Variants in PHACTR1 observed in about 807,000 individuals in gnomAD.
The protein encoded by PHACTR1 is phosphatase and actin regulator 1.
Under a neutral mutation model 69.2 loss-of-function variants are expected in PHACTR1, and 16 were observed. The observed-to-expected ratio is 0.23, with a 90% CI of 0.16 to 0.35. PHACTR1 has a LOEUF of 0.35. Among genes scored for constraint, PHACTR1 ranks in the 10% least tolerant of loss-of-function variants. PHACTR1 has a pLI of 1.00. For missense variants in PHACTR1, 510 were observed against 734.7 expected (o/e 0.69, Z 3.54); for synonymous variants, 312 against 284.5 (o/e 1.10, Z -0.97).
chr6:12,848,889 T>C (rs1779548147), intron 4 of PHACTR1, among the ~76,000 whole-genome samples: 1 of 152,122 alleles, frequency 6.6e-6, no homozygotes, highest in South Asian at 2.1e-4. Flanking sequence ...GGACATTCAT[T>C]AGAACCACTA....
intron 5 of PHACTR1, among the ~76,000 whole-genome samples, chr6:13,076,349 A>T (rs1181791708): frequency 6.6e-6 from 1 of 152,170 alleles, no homozygotes; most frequent in Non-Finnish European, 1.5e-5. Flanking sequence ...ATTATTTCCC[A>T]GGGAAATGGC....
At chr6:13,284,128 C>T (rs990719670) in intron 13 of PHACTR1, among the ~76,000 whole-genome samples, 2 of 152,176 alleles carry the variant, frequency 1.3e-5, no homozygotes, top group South Asian at 2.1e-4. Context: ...TCTCTGTCCA[C>T]CAGACAAGGT....
intron 4 of PHACTR1, among the ~76,000 whole-genome samples, chr6:12,983,709 A>G (rs1795794049): frequency 1.3e-5 from 2 of 151,944 alleles, no homozygotes; most frequent in African/African-American, 4.8e-5. Context: ...CCGCCACCCC[A>G]CGACAGACCC....
intron 5 of PHACTR1, among the ~76,000 whole-genome samples, chr6:13,154,449 T>G (rs1370952890): frequency 1.3e-5 from 2 of 152,214 alleles, no homozygotes; most frequent in African/African-American, 2.4e-5. Flanking sequence ...TGAGCCATCG[T>G]GCCCAGCCTG....
chr6:13,285,014 C>A (rs1419723139), intron 13 of PHACTR1, among the ~76,000 whole-genome samples: 1 of 152,184 alleles, frequency 6.6e-6, no homozygotes, highest in East Asian at 1.9e-4. Flanking sequence ...AAACCCAGCT[C>A]CCCAGGAGTG....
chr6:12,987,795 A>G (rs1394722511), intron 4 of PHACTR1, among the ~76,000 whole-genome samples: 4 of 152,222 alleles, frequency 2.6e-5, no homozygotes, highest in Non-Finnish European at 5.9e-5. Context: ...ATTTGCTAGA[A>G]TAAGATGGAA....
At chr6:13,223,617 T>A (rs950078729) in intron 8 of PHACTR1, among the ~76,000 whole-genome samples, 1 of 152,238 alleles carries the variant, frequency 6.6e-6, no homozygotes, top group African/African-American at 2.4e-5. Context: ...ATCTCATAAG[T>A]ATCACAGTTC....
chr6:12,817,499 G>A (rs1775719592), intron 4 of PHACTR1, among the ~76,000 whole-genome samples: 1 of 152,206 alleles, frequency 6.6e-6, no homozygotes, highest in South Asian at 2.1e-4. Flanking sequence ...CTGATCCTCA[G>A]TTTTTTAAAC....
At chr6:12,820,327 C>T (rs1162868806) in intron 4 of PHACTR1, among the ~76,000 whole-genome samples, 1 of 152,056 alleles carries the variant, frequency 6.6e-6, no homozygotes, top group Admixed American at 6.6e-5. Context: ...ACTACAGGCG[C>T]ATGCCACCAC....
At chr6:12,763,052 A>G (rs144733939) in intron 4 of PHACTR1, among the ~76,000 whole-genome samples, 1,784 of 152,276 alleles carry the variant, frequency 0.012, 15 homozygotes, top group Non-Finnish European at 0.02. Flanking sequence ...CGTCTCTACT[A>G]AAAATACAAA....
intron 3 of PHACTR1, among the ~76,000 whole-genome samples, chr6:12,744,711 T>C (rs1480952427): frequency 6.6e-6 from 1 of 152,158 alleles, no homozygotes; most frequent in East Asian, 1.9e-4. Flanking sequence ...AGCTATTCCA[T>C]AGGCAGAGCA....
intron 4 of PHACTR1, among the ~76,000 whole-genome samples, chr6:13,036,312 A>G (rs557507829): frequency 1.6e-4 from 24 of 152,368 alleles, no homozygotes; most frequent in African/African-American, 5.8e-4. Flanking sequence ...AGAATTATAC[A>G]TAATATTTGG....
At chr6:13,089,828 A>G (rs1812931716) in intron 5 of PHACTR1, among the ~76,000 whole-genome samples, 1 of 152,180 alleles carries the variant, frequency 6.6e-6, no homozygotes, top group African/African-American at 2.4e-5. Flanking sequence ...CCACAGTGGA[A>G]CAAACTGGTG....
At chr6:13,235,130 C>T (rs1771795753) in intron 10 of PHACTR1, among the ~76,000 whole-genome samples, 1 of 152,176 alleles carries the variant, frequency 6.6e-6, no homozygotes, top group Non-Finnish European at 1.5e-5. Flanking sequence ...TTGAGTGTCA[C>T]TTCTCAGTGC....
chr6:13,270,983 G>A (rs1254471516), intron 10 of PHACTR1, among the ~76,000 whole-genome samples: 1 of 151,420 alleles, frequency 6.6e-6, no homozygotes, highest in Admixed American at 6.6e-5. Context: ...GAGAGAGAGT[G>A]AGCAGGGAGT....
chr6:13,155,325 G>A (rs1249049356), intron 5 of PHACTR1, among the ~76,000 whole-genome samples: 1 of 152,156 alleles, frequency 6.6e-6, no homozygotes, highest in Non-Finnish European at 1.5e-5. Context: ...GGAGAATAAT[G>A]GCCTGGGGAT....
intron 4 of PHACTR1, among the ~76,000 whole-genome samples, chr6:12,998,749 G>A (rs990670160): frequency 3.3e-5 from 5 of 151,852 alleles, no homozygotes; most frequent in African/African-American, 9.7e-5. Flanking sequence ...CTGAAAGACT[G>A]GTACTACACA....
At chr6:12,907,061 T>C (rs563569896) in intron 4 of PHACTR1, among the ~76,000 whole-genome samples, 1 of 152,344 alleles carries the variant, frequency 6.6e-6, no homozygotes, top group African/African-American at 2.4e-5. Context: ...ATATTTCCAC[T>C]AGATAAAAAT....
At chr6:12,879,764 T>A (rs17679501) in intron 4 of PHACTR1, among the ~76,000 whole-genome samples, 40,934 of 152,060 alleles carry the variant, frequency 0.27, 6,130 homozygotes, top group African/African-American at 0.37. Flanking sequence ...AACACAGAAA[T>A]GAAGTGTCAA....
Sources: allele counts gnomAD v4.1 joint callset (sites outside exome capture counted in the v4.1 genomes callset), GRCh38; gene constraint gnomAD v4.1.1; transcripts MANE v1.5; gene names NCBI Gene and HGNC (gene_info 2026-07-23, HGNC 2026-07-21).